Variants in FRMPD1 observed in about 807,000 individuals in gnomAD.
The protein encoded by FRMPD1 is FERM and PDZ domain containing 1.
A neutral mutation model predicts 117.8 loss-of-function variants in FRMPD1; 76 were observed. The ratio of observed to expected loss-of-function variants is 0.65; its 90% CI spans 0.54 to 0.78. The LOEUF (loss-of-function observed/expected upper bound fraction) is 0.78. Ranked by LOEUF, FRMPD1 falls within the 30% of genes least tolerant of loss-of-function variation. FRMPD1 has a pLI of 0.00. For synonymous variants in FRMPD1, 783 were observed against 770.4 expected, an observed-to-expected ratio of 1.02 and a Z score of -0.27; for missense variants, 1,786 against 1,964.5, an observed-to-expected ratio of 0.91 and a Z score of 1.72.
intron 15 of FRMPD1, among the ~76,000 whole-genome samples, chr9:37,743,520 CTTTTTTTTTTTTTTTTTTTTTTTTT>C (rs531949141): frequency 7.3e-5 from 3 of 40,900 alleles, no homozygotes; most frequent in Non-Finnish European, 9.5e-5. Flanking sequence ...AATGGCTCTG[CTTTTTTTTTTTTTTTTTTTTTTTTT>C]TTTTTTTTTT....
chr9:37,639,581 C>T, the FRMPD1 span, among the ~76,000 whole-genome samples: 2 of 152,212 alleles, frequency 1.3e-5, no homozygotes, highest in Non-Finnish European at 2.9e-5. Context: ...TCTGATTCAT[C>T]TCTGTATCCT....
At chr9:37,636,409 G>A in the FRMPD1 span, among the ~76,000 whole-genome samples, 1 of 152,166 alleles carries the variant, frequency 6.6e-6, no homozygotes, top group Non-Finnish European at 1.5e-5. Flanking sequence ...TCCAAAGAAA[G>A]GTGTGTAGGG....
chr9:37,637,318 C>T, the FRMPD1 span: 3 of 1,132,048 alleles, frequency 2.7e-6, no homozygotes, highest in Admixed American at 3.4e-5. Context: ...CCCGCTCAGT[C>T]GCTCCCAGTC....
chr9:37,660,859 G>T (rs1820981445), intron 1 of FRMPD1, among the ~76,000 whole-genome samples: 1 of 152,142 alleles, frequency 6.6e-6, no homozygotes, highest in African/African-American at 2.4e-5. Context: ...AAGGAGGCCT[G>T]GGGGGTACAG....
chr9:37,617,914 T>C, the FRMPD1 span, among the ~76,000 whole-genome samples: 1 of 152,170 alleles, frequency 6.6e-6, no homozygotes, highest in Admixed American at 6.5e-5. Flanking sequence ...GAACTCCCCA[T>C]GAGAGCCCAT....
chr9:37,669,382 G>A (rs183494041), intron 1 of FRMPD1, among the ~76,000 whole-genome samples: 6 of 152,080 alleles, frequency 3.9e-5, no homozygotes, highest in Admixed American at 1.3e-4. Flanking sequence ...TCTCAGCCCC[G>A]CCCCAGACCT....
chr9:37,706,477 G>A (rs200314784), intron 2 of FRMPD1, among the ~76,000 whole-genome samples: 134 of 152,248 alleles, frequency 8.8e-4, no homozygotes, highest in Non-Finnish European at 1.8e-3. Context: ...CATTTCTGTT[G>A]TTCATAATGA....
At chr9:37,650,317 G>A (rs1450891896), upstream of FRMPD1, among the ~76,000 whole-genome samples, 1 of 152,124 alleles carries the variant, frequency 6.6e-6, no homozygotes, top group Non-Finnish European at 1.5e-5. Flanking sequence ...GTCCCAGGGC[G>A]CTCCGGCATT....
intron 1 of FRMPD1, 49 bp downstream of exon 1, chr9:37,651,143 CCCA>C (rs989777452): frequency 2.0e-5 from 3 of 152,808 alleles, no homozygotes; most frequent in Admixed American, 2.0e-4. Flanking sequence ...ACGGCCTGTC[CCCA>C]CACCCCGGGC....
chr9:37,707,674 C>A, intron 3 of FRMPD1, 101 bp downstream of exon 3: 1 of 999,008 alleles, frequency 1.0e-6, no homozygotes, highest in Non-Finnish European at 1.5e-6. Context: ...TGCAGAAAAT[C>A]CTACCTGGGA....
chr9:37,704,900 CT>C (rs1413211383), intron 2 of FRMPD1, among the ~76,000 whole-genome samples: 2 of 150,988 alleles, frequency 1.3e-5, no homozygotes, highest in Non-Finnish European at 2.9e-5. Flanking sequence ...TTGTGTTTTC[CT>C]TTATTGCTTT....
chr9:37,718,915 G>A lies in FRMPD1; in HGVS notation c.409-154G>A, dbSNP rs1350204912. ...CTGGCTTGGGATCCCTAGATTTTAT[G>A]AAAATACCTATAATGGGATATCATC... On this transcript the variant is annotated intron_variant, in intron 5 of 15. Transcript: ENST00000377765. Among the ~76,000 whole-genome samples the A allele has an allele frequency of 3.9e-5, 6 of 152,170 alleles. No individual in the cohort carries two copies. In the East Asian group the frequency reaches 1.2e-3, roughly 29 times the overall value.
chr9:37,634,650 A>G, the FRMPD1 span, among the ~76,000 whole-genome samples: 1 of 151,380 alleles, frequency 6.6e-6, no homozygotes, highest in Non-Finnish European at 1.5e-5. Flanking sequence ...GTTTTCTGAA[A>G]CCCATATCTT....
chr9:37,660,241 G>A (rs1820963055), intron 1 of FRMPD1, among the ~76,000 whole-genome samples: 1 of 152,164 alleles, frequency 6.6e-6, no homozygotes, highest in South Asian at 2.1e-4. Context: ...GTCAGTGCTG[G>A]GCAGGGTGCT....
chr9:37,619,099 G>C, the FRMPD1 span, among the ~76,000 whole-genome samples: 1 of 152,194 alleles, frequency 6.6e-6, no homozygotes, highest in South Asian at 2.1e-4. Context: ...AATGTAAACC[G>C]ACATGCCATA....
At chr9:37,636,566 C>T in the FRMPD1 span, 1 of 702,118 alleles carries the variant, frequency 1.4e-6, no homozygotes, top group Non-Finnish European at 2.3e-6. Context: ...GATGGGGAGC[C>T]CAGGACACCC....
the FRMPD1 span, among the ~76,000 whole-genome samples, chr9:37,606,464 A>G: frequency 6.6e-6 from 1 of 152,204 alleles, no homozygotes; most frequent in East Asian, 1.9e-4. Context: ...TTATGGTCAC[A>G]CTGCCCATGG....
rs61521469 is a variant in FRMPD1, at chr9:37,696,051, CTTT to C, written c.101+3331_101+3333del. Among the ~76,000 whole-genome samples the C allele has an allele frequency of 8.6e-3, 668 of 78,102 alleles. 6 individuals are homozygous for C. The highest frequency in any genetic ancestry group is 0.013 in the Non-Finnish European group (549 of 42,030). The allele number at this position is 78,102 out of a possible 152,430, so 51.2% of individuals were successfully genotyped here. A position where few individuals can be genotyped will look rare whatever the true frequency, so the allele number is the denominator to read the frequency against. On this transcript the variant is annotated intron_variant, in intron 2 of 15. Transcript: ENST00000377765. The stretch of plus-strand genomic sequence containing the variant: ...TTGCTCACCGTTCTCCATTGTTTTG[CTTT>C]TTTTTTTTTTTTTTTTTTTTTAATA...
the FRMPD1 span, among the ~76,000 whole-genome samples, chr9:37,642,196 G>C: frequency 6.6e-6 from 1 of 152,182 alleles, no homozygotes; most frequent in Admixed American, 6.5e-5. Flanking sequence ...CCAGCTATCT[G>C]GATGATCTTG....
Sources: allele counts gnomAD v4.1 joint callset (sites outside exome capture counted in the v4.1 genomes callset), GRCh38; gene constraint gnomAD v4.1.1; transcripts MANE v1.5; gene names NCBI Gene and HGNC (gene_info 2026-07-23, HGNC 2026-07-21).